ZNF614: variants seen among roughly 807,000 people sequenced by gnomAD.
ZNF614 encodes zinc finger protein 614.
ZNF614 carries 11 observed loss-of-function variants against 12.8 expected under a neutral mutation model. The ratio of observed to expected loss-of-function variants is 0.86; its 90% CI spans 0.54 to 1.43. The LOEUF (loss-of-function observed/expected upper bound fraction) is 1.43. Among genes scored for constraint, ZNF614 ranks in the 40% most tolerant of loss-of-function variants. The probability of loss-of-function intolerance (pLI) is 0.00; values close to 1 mark genes in which losing one functional copy is unlikely to be tolerated. For missense variants in ZNF614, 664 were observed against 708.8 expected (o/e 0.94, Z 0.72); for synonymous variants, 237 against 237.5 (o/e 1.00, Z 0.02).
At chr19:52,019,415 T>A (rs2086921064) in intron 2 of ZNF614, among the ~76,000 whole-genome samples, 1 of 152,068 alleles carries the variant, frequency 6.6e-6, no homozygotes, top group East Asian at 1.9e-4. Flanking sequence ...TTAATAAATA[T>A]CCAAAACCTA....
At position 52,016,501 on chromosome 19, in the gene ZNF614, G is replaced by C. The variant is rs768393342; in HGVS notation, c.1097C>G (p.Thr366Ser). ...ACTGCACATATAGGGTTTCTCTCCA[G>C]TATGAGTTCGCTGATGTACAACAAG... ...RYLVVHQRTH[T>S]GEKPYMCSEC... Residue 366 changes from threonine (T) to serine (S), a missense_variant, in exon 5 of 5, where the codon ACT (threonine) becomes AGT (serine). By Grantham distance (58) the Thr-to-Ser change is moderately conservative. Transcript: ENST00000270649. The C allele has an allele frequency of 1.2e-6, 2 of 1,614,026 alleles. No homozygotes were observed.
At chr19:52,026,509 G>T (rs1036107228) in intron 1 of ZNF614, among the ~76,000 whole-genome samples, 1 of 152,204 alleles carries the variant, frequency 6.6e-6, no homozygotes, top group African/African-American at 2.4e-5. Flanking sequence ...ACTGCGGAAG[G>T]CCGCGGGGAC....
chr19:52,025,890 C>T lies in ZNF614; in HGVS notation c.-145G>A. 6.3e-6 allele frequency: 5 copies of T among 789,186 alleles called. No homozygotes were observed. The highest frequency in any genetic ancestry group is 1.0e-5 in the Non-Finnish European group (5 of 487,642). 48.9% of individuals were successfully genotyped at this position (789,186 alleles called of 1,614,324 possible). On this transcript the variant is annotated 5_prime_UTR_variant, in exon 2 of 5. It introduces an in-frame stop codon into an upstream open reading frame of the 5' UTR. Transcript: ENST00000270649. ...TCCCCAGAAATTATGATATCCAAGG[C>T]CAGCAACCTCCTTCTTCTTCCTTCA...
In ZNF614 at chr19:52,016,568, T is replaced by A; in HGVS notation, c.1030A>T (p.Ile344Leu). Reference protein sequence around the residue: ...QRTHTGEKPYICSECGKGFTM... With the variant: ...QRTHTGEKPYLCSECGKGFTM... ...AAGCCTTTTCCACATTCACTGCATA[T>A]ATAGGGTTTCTCCCCTGTATGAGTT... Residue 344 changes from isoleucine to leucine, a missense_variant, in exon 5 of 5, where the codon ATA becomes TTA. Coordinates refer to ENST00000270649, the MANE Select transcript of ZNF614 (RefSeq NM_025040.4). 1.2e-6 allele frequency: 2 copies of A among 1,614,066 alleles called. No individual in the cohort carries two copies. The highest frequency in any genetic ancestry group is 1.7e-6 in the Non-Finnish European group (2 of 1,179,976).
chr19:52,017,494 G>A, intron 4 of ZNF614, 135 bp from the exon 5 acceptor site: 1 of 778,062 alleles, frequency 1.3e-6, no homozygotes. Context: ...ACGAGGTCAG[G>A]AGTTCAAGAC....
rs532531272 is a variant in ZNF614, at chr19:52,014,089, T to G, written c.*1751A>C. On this transcript the variant is annotated 3_prime_UTR_variant, in exon 5 of 5. Coordinates refer to ENST00000270649, the MANE Select transcript of ZNF614 (RefSeq NM_025040.4). ...TTGTTAATATATTTAACATATTCAG[T>G]TTCTTTTCTACTTAAGTTTGCTTAA... is the stretch of plus-strand genomic sequence containing the variant. 1 of 152,364 alleles carries G rather than the reference T, an allele frequency of 6.6e-6. No individual in the cohort carries two copies. The highest frequency in any genetic ancestry group is 1.5e-5 in the Non-Finnish European group (1 of 68,038). The allele number at this position is 152,364 out of a possible 1,614,324, so 9.4% of individuals were successfully genotyped here. A position where few individuals can be genotyped will look rare whatever the true frequency, so the allele number is the denominator to read the frequency against.
Position 52,017,362 on chromosome 19 carries a change from A to G in ZNF614, c.239-3T>C, listed in dbSNP as rs774665458. The G allele has an allele frequency of 4.4e-6, 7 of 1,583,600 alleles. No homozygotes were observed. Among genetic ancestry groups the G allele is most frequent in the East Asian group, 2.2e-5 (1 of 44,636 alleles). ...ATGACTGTCAACTTTCCCGATTCCT[A>G]AGAAAGAACAGAGTAACAAATTCTT... On this transcript the variant is annotated splice_region_variant and splice_polypyrimidine_tract_variant and intron_variant, in intron 4 of 4. Coordinates refer to ENST00000270649, the MANE Select transcript of ZNF614 (RefSeq NM_025040.4).
chr19:52,021,112 A>C (rs1396002285), intron 2 of ZNF614, among the ~76,000 whole-genome samples: 1 of 151,610 alleles, frequency 6.6e-6, no homozygotes, highest in Non-Finnish European at 1.5e-5. Context: ...GCATGTGACA[A>C]AAAACTAAAA....
rs560548722 is a variant in ZNF614, at chr19:52,025,606, C to A, written c.15+125G>T. 18 of 1,123,982 alleles carry A rather than the reference C, an allele frequency of 1.6e-5. No homozygotes were observed. In the African/African-American group the frequency reaches 2.7e-4, roughly 17 times the overall value. The allele number at this position is 1,123,982 out of a possible 1,614,324, so 69.6% of individuals were successfully genotyped here. On this transcript the variant is annotated intron_variant, in intron 2 of 4. Coordinates refer to ENST00000270649, the MANE Select transcript of ZNF614 (RefSeq NM_025040.4). ...AAGGCAGAATGAACCCCCACCTCTACTCCCAAAAGCAATGTAAGTTAATTT... is the reference window on the plus strand; with the variant it reads ...AAGGCAGAATGAACCCCCACCTCTAATCCCAAAAGCAATGTAAGTTAATTT...
rs775048808 is a variant in ZNF614 at position 52,016,313 on chromosome 19, A to C, written c.1285T>G (p.Cys429Gly). Residue 429 changes from cysteine to glycine, a missense_variant, in exon 5 of 5, where the codon TGC (cysteine) becomes GGC (glycine). Cys to Gly is a radical substitution (Grantham distance 159). Coordinates refer to ENST00000270649, the MANE Select transcript of ZNF614 (RefSeq NM_025040.4). ...GTGAAGCCTTTACCACATTCATTGC[A>C]TATGTAAGATTTCTCTCCTGTATGA... ...RTHTGEKSYI[C>G]NECGKGFTTK... 5 of 1,613,980 alleles carry C rather than the reference A, an allele frequency of 3.1e-6. No individual in the cohort carries two copies. The highest frequency in any genetic ancestry group is 1.7e-5 in the Admixed American group (1 of 60,006).
At chr19:52,024,897 C>T (rs1365389290) in intron 2 of ZNF614, among the ~76,000 whole-genome samples, 3 of 152,148 alleles carry the variant, frequency 2.0e-5, no homozygotes, top group Non-Finnish European at 4.4e-5. Context: ...CAGCATGACA[C>T]CGGGGGATAC....
intron 1 of ZNF614, among the ~76,000 whole-genome samples, chr19:52,026,969 T>C (rs1050372484): frequency 2.6e-5 from 4 of 152,166 alleles, no homozygotes; most frequent in Admixed American, 2.6e-4. Context: ...CACATCCCCC[T>C]CTCCGAGGTG....
intron 2 of ZNF614, among the ~76,000 whole-genome samples, chr19:52,019,642 C>T (rs1049770390): frequency 1.3e-5 from 2 of 152,128 alleles, no homozygotes; most frequent in Non-Finnish European, 2.9e-5. Context: ...AATCCAGAAA[C>T]GTATGGAATA....
chr19:52,025,492 T>C (rs1035033219), intron 2 of ZNF614, among the ~76,000 whole-genome samples: 1 of 152,134 alleles, frequency 6.6e-6, no homozygotes, highest in Non-Finnish European at 1.5e-5. Flanking sequence ...CCCAGCTAAT[T>C]TTTGTATTTT....
At chr19:52,017,769 A>G (rs148088845) in intron 4 of ZNF614, 18 of 422,386 alleles carry the variant, frequency 4.3e-5, no homozygotes, top group African/African-American at 3.3e-4. Context: ...TGTCAACTCT[A>G]CGATCCCAGT....
chr19:52,025,692 C>T (rs756296945), intron 2 of ZNF614, 39 bp downstream of exon 2: 12 of 1,611,110 alleles, frequency 7.4e-6, no homozygotes, highest in Non-Finnish European at 1.0e-5. Context: ...TTCTTCAGGC[C>T]ACCATAAATC....
Position 52,016,253 on chromosome 19 carries a change from G to A in ZNF614, c.1345C>T (p.His449Tyr). Residue 449 changes from histidine (H) to tyrosine (Y), a missense_variant, in exon 5 of 5, where the codon CAT becomes TAT. Transcript: ENST00000270649. The stretch of plus-strand genomic sequence containing the variant: ...CATTCATAGGGTTTTTCTCCTGTAT[G>A]AGTTCGCTGATGTATAATAAGAGTG... The part of the protein sequence containing the change: ...KRTLIIHQRT[H>Y]TGEKPYECNE... The A allele has an allele frequency of 3.7e-6, 6 of 1,614,206 alleles. No individual in the cohort carries two copies. Among genetic ancestry groups the A allele is most frequent in the Non-Finnish European group, 4.2e-6 (5 of 1,180,038 alleles).
chr19:52,018,453 C>G lies in ZNF614; in HGVS notation c.57G>C (p.Trp19Cys). ...CAGTGTCCAGGAGCTGCCACTCCTC[C>G]CAGCTGAATTCCACAGCCACATCCT... ...TLEDVAVEFSWEEWQLLDTAQ... is the reference protein window; with the variant it reads ...TLEDVAVEFSCEEWQLLDTAQ... The change falls in exon 3 of 5, where the codon TGG (tryptophan) becomes TGC (cysteine). Residue 19 changes from tryptophan (W) to cysteine (C), a missense_variant. Coordinates refer to ENST00000270649, the MANE Select transcript of ZNF614 (RefSeq NM_025040.4). 1 of 1,614,122 alleles carries G rather than the reference C, an allele frequency of 6.2e-7. No individual in the cohort carries two copies. Among genetic ancestry groups the G allele is most frequent in the Non-Finnish European group, 8.5e-7 (1 of 1,179,998 alleles).
At chr19:52,026,068 C>A (rs2086970085) in intron 1 of ZNF614, 107 bp from the exon 2 acceptor site, 2 of 255,340 alleles carry the variant, frequency 7.8e-6, no homozygotes, top group Non-Finnish European at 1.5e-5. Context: ...CTAACAGTTC[C>A]TTTATTTGCT....
Sources: allele counts gnomAD v4.1 joint callset (sites outside exome capture counted in the v4.1 genomes callset), GRCh38; gene constraint gnomAD v4.1.1; transcripts MANE v1.5; gene names NCBI Gene and HGNC (gene_info 2026-07-23, HGNC 2026-07-21).